Variants in RWDD1 observed in about 807,000 individuals in gnomAD.
RWDD1 encodes RWD domain-containing protein 1.
RWDD1 carries 17 observed loss-of-function variants against 31.6 expected under a neutral mutation model. That is an observed-to-expected ratio of 0.54 (90% CI 0.37 to 0.81). The LOEUF is 0.81. Among genes scored for constraint, RWDD1 ranks in the 30% least tolerant of loss-of-function variants. The pLI, the probability that RWDD1 is intolerant of heterozygous loss-of-function variation, is 0.00. For missense variants in RWDD1, 204 were observed against 274.5 expected, an observed-to-expected ratio of 0.74 and a Z score of 1.82; for synonymous variants, 78 against 94.2, an observed-to-expected ratio of 0.83 and a Z score of 0.99.
intron 2 of RWDD1, among the ~76,000 whole-genome samples, chr6:116,581,947 G>A (rs1012344940): frequency 6.6e-6 from 1 of 151,942 alleles, no homozygotes; most frequent in Non-Finnish European, 1.5e-5. Context: ...TTATAAAGTG[G>A]AAGTATGGTT....
In RWDD1 at chr6:116,588,917, G is replaced by A. The variant is rs1429617215; in HGVS notation, c.346G>A (p.Asp116Asn). The A allele has an allele frequency of 6.7e-7, 1 of 1,484,948 alleles. No homozygotes were observed. The highest frequency in any genetic ancestry group is 9.0e-7 in the Non-Finnish European group (1 of 1,114,246). 92.0% of individuals were successfully genotyped at this position (1,484,948 alleles called of 1,614,324 possible). The part of the protein sequence containing the change: ...AVQEKLNEIV[D>N]QIKTRREEEK... ...GCAAGAAAAATTAAATGAAATAGTA[G>A]ATCAGATAAAAACTAGAAGAGAAGA... Residue 116 changes from aspartate to asparagine, a missense_variant, in exon 4 of 7, where the codon GAT becomes AAT. Physicochemically the swap from Asp to Asn is conservative, Grantham distance 23. Transcript: ENST00000466444.
At chr6:116,575,642 G>GAACCTAATA (rs1774826052) in intron 1 of RWDD1, among the ~76,000 whole-genome samples, 1 of 152,146 alleles carries the variant, frequency 6.6e-6, no homozygotes, top group Non-Finnish European at 1.5e-5. Flanking sequence ...GTTCATCTGT[G>GAACCTAATA]ACAGAAAACC....
chr6:116,575,231 G>A (rs973631539), intron 1 of RWDD1, among the ~76,000 whole-genome samples: 1 of 151,472 alleles, frequency 6.6e-6, no homozygotes, highest in African/African-American at 2.4e-5. Context: ...GGATTACAGG[G>A]TGTGCCACCA....
chr6:116,573,169 C>T (rs1774776573), intron 1 of RWDD1, among the ~76,000 whole-genome samples: 1 of 152,182 alleles, frequency 6.6e-6, no homozygotes, highest in Non-Finnish European at 1.5e-5. Flanking sequence ...CTATTCTTTT[C>T]ATTTCTTTGG....
intron 3 of RWDD1, among the ~76,000 whole-genome samples, chr6:116,586,847 G>A (rs1172480799): frequency 6.6e-6 from 1 of 152,152 alleles, no homozygotes; most frequent in African/African-American, 2.4e-5. Context: ...CAAAAAGGTT[G>A]TGCCAATTTA....
chr6:116,578,242 A>G (rs1215239461), intron 1 of RWDD1, among the ~76,000 whole-genome samples: 1 of 152,208 alleles, frequency 6.6e-6, no homozygotes, highest in Non-Finnish European at 1.5e-5. Flanking sequence ...AACATCTCTG[A>G]ATTCTTATGA....
chr6:116,592,180 G>T (rs901213156), intron 6 of RWDD1, among the ~76,000 whole-genome samples: 3 of 150,444 alleles, frequency 2.0e-5, no homozygotes, highest in African/African-American at 7.3e-5. Context: ...CTCAAATCTG[G>T]CCCTCATCTA....
chr6:116,571,976 C>G (rs1020228020), intron 1 of RWDD1, among the ~76,000 whole-genome samples: 4 of 152,018 alleles, frequency 2.6e-5, no homozygotes, highest in Admixed American at 2.0e-4. Context: ...AAAAAATACT[C>G]CAAGTGCGAT....
In RWDD1 at chr6:116,582,766, A is replaced by C. The variant is rs566825833; in HGVS notation, c.140-1961A>C. On this transcript the variant is annotated intron_variant, in intron 2 of 6. Transcript: ENST00000466444. Reference sequence around the variant, plus strand: ...TTCATTTATTTCTGCTCTGATCTTTATTATTTTCTTCCTTGTGCTGATTTT... The same window carrying C: ...TTCATTTATTTCTGCTCTGATCTTTCTTATTTTCTTCCTTGTGCTGATTTT... Among the ~76,000 whole-genome samples, 80 of 150,516 alleles carry C rather than the reference A, an allele frequency of 5.3e-4. No individual in the cohort carries two copies. The Middle Eastern group carries it at 0.01, about 19-fold the overall frequency.
In RWDD1 at chr6:116,594,768, T is replaced by C. The variant is rs1011777527; in HGVS notation, c.*1667T>C. The stretch of plus-strand genomic sequence containing the variant: ...TTGGAGGACTGACTCTTAACCCCAA[T>C]AGGAAATCAGTTGTGCTATTTTAAA... On this transcript the variant is annotated 3_prime_UTR_variant, in exon 7 of 7. Transcript: ENST00000466444. 1 of 152,174 alleles carries C rather than the reference T, an allele frequency of 6.6e-6. No homozygotes were observed. Among genetic ancestry groups the C allele is most frequent in the Non-Finnish European group, 1.5e-5 (1 of 68,018 alleles). 9.4% of individuals were successfully genotyped at this position (152,174 alleles called of 1,614,324 possible). A position where few individuals can be genotyped will look rare whatever the true frequency, so the allele number is the denominator to read the frequency against.
At position 116,597,132 on chromosome 6, in the gene RWDD1, G is replaced by C. The variant is rs1489242768; in HGVS notation, c.*4031G>C. ...CAAGTGAGGAGAAAGATAGCAGTGG[G>C]TTGCTGCAAAGGAGGTGAGGGGAGG... is the stretch of plus-strand genomic sequence containing the variant. On this transcript the variant is annotated 3_prime_UTR_variant, in exon 7 of 7. Transcript: ENST00000466444. 6.6e-6 allele frequency: 1 copy of C among 152,128 alleles called. No individual in the cohort carries two copies. Among genetic ancestry groups the C allele is most frequent in the African/African-American group, 2.4e-5 (1 of 41,402 alleles). The allele number at this position is 152,128 out of a possible 1,614,324, so 9.4% of individuals were successfully genotyped here.
chr6:116,595,754 C>G lies in RWDD1; in HGVS notation c.*2653C>G, dbSNP rs1352394781. ...TATTTTAAAGTAAAGCATGAGAGTT[C>G]AAAGAAATGTTGTATTTGCCATCTA... is the stretch of plus-strand genomic sequence containing the variant. On this transcript the variant is annotated 3_prime_UTR_variant, in exon 7 of 7. Coordinates refer to ENST00000466444, the MANE Select transcript of RWDD1 (RefSeq NM_015952.4). 2 of 152,096 alleles carry G rather than the reference C, an allele frequency of 1.3e-5. No individual in the cohort carries two copies. Among genetic ancestry groups the G allele is most frequent in the African/African-American group, 4.8e-5 (2 of 41,430 alleles). The allele number at this position is 152,096 out of a possible 1,614,324, so 9.4% of individuals were successfully genotyped here.
At chr6:116,584,893 T>C (rs527853597) in intron 3 of RWDD1, 36 bp downstream of exon 3, 1 of 1,487,566 alleles carries the variant, frequency 6.7e-7, no homozygotes, top group African/African-American at 1.4e-5. Context: ...TGTAGCAGCA[T>C]TTATTGGCCT....
At chr6:116,592,760 T>A (rs1775167282) in intron 6 of RWDD1, among the ~76,000 whole-genome samples, 1 of 152,172 alleles carries the variant, frequency 6.6e-6, no homozygotes, top group Admixed American at 6.5e-5. Flanking sequence ...ATAACTGGAT[T>A]TTTAGACTAT....
chr6:116,579,023 G>A (rs985752847), intron 1 of RWDD1, among the ~76,000 whole-genome samples: 22 of 152,046 alleles, frequency 1.4e-4, no homozygotes, highest in African/African-American at 5.1e-4. Context: ...TTACAGGCAT[G>A]CGCCACCACG....
chr6:116,593,140 G>A lies in RWDD1; in HGVS notation c.*39G>A. 1 of 1,578,436 alleles carries A rather than the reference G, an allele frequency of 6.3e-7. No homozygotes were observed. The highest frequency in any genetic ancestry group is 2.3e-5 in the East Asian group (1 of 44,128). On this transcript the variant is annotated 3_prime_UTR_variant, in exon 7 of 7. Transcript: ENST00000466444. ...TCTGCAGAGAGGCTTGACTGCCACA[G>A]CATCTGTGGCTATGCTCAGAGGGTT...
Position 116,593,225 on chromosome 6 carries a change from A to G in RWDD1, c.*124A>G. On this transcript the variant is annotated 3_prime_UTR_variant, in exon 7 of 7. Coordinates refer to ENST00000466444, the MANE Select transcript of RWDD1 (RefSeq NM_015952.4). ...ATTTTCAGGAGAATATTCTTCTGAT[A>G]GCTTTCATCATTGAACTTAATAAAC... The G allele has an allele frequency of 1.1e-6, 1 of 943,500 alleles. No homozygotes were observed. The highest frequency in any genetic ancestry group is 1.5e-6 in the Non-Finnish European group (1 of 672,982). The allele number at this position is 943,500 out of a possible 1,614,324, so 58.4% of individuals were successfully genotyped here.
Position 116,584,827 on chromosome 6 carries a change from C to A in RWDD1, c.240C>A (p.Val80=). The part of the protein sequence containing the change: ...FSQENLEDND[V]SDILKLLALQ... ...AGGAAAATCTAGAAGATAATGATGT[C>A]TCAGACATTTTAAAATTACTAGCAT... Residue 80 remains valine (V), a synonymous_variant, in exon 3 of 7, where the codon GTC becomes GTA. Coordinates refer to ENST00000466444, the MANE Select transcript of RWDD1 (RefSeq NM_015952.4). 1 of 1,593,732 alleles carries A rather than the reference C, an allele frequency of 6.3e-7. No homozygotes were observed.
At chr6:116,585,868 C>T (rs936207136) in intron 3 of RWDD1, among the ~76,000 whole-genome samples, 1 of 152,064 alleles carries the variant, frequency 6.6e-6, no homozygotes, top group Non-Finnish European at 1.5e-5. Flanking sequence ...GATCATGGCT[C>T]ATGCAGCCTT....
Sources: gnomAD v4.1 joint callset for allele counts (sites outside exome capture counted in the v4.1 genomes callset) on GRCh38, gnomAD v4.1.1 for gene constraint, MANE v1.5 for transcripts, NCBI Gene and HGNC (gene_info 2026-07-23, HGNC 2026-07-21) for gene names.